Variants in GADL1 observed in about 807,000 individuals in gnomAD.
GADL1 encodes GAD like acidic amino acid decarboxylase 1.
A neutral mutation model predicts 69.5 loss-of-function variants in GADL1; 71 were observed. That is an observed-to-expected ratio of 1.02 (90% CI 0.84 to 1.25). The LOEUF (loss-of-function observed/expected upper bound fraction) is 1.25. Ranked by LOEUF, GADL1 falls within the 50% of genes most tolerant of loss-of-function variation. The pLI is 0.00. For missense variants in GADL1, 737 were observed against 631.8 expected (o/e 1.17, Z -1.79); for synonymous variants, 254 against 214.4 (o/e 1.18, Z -1.62).
chr3:30,788,399 C>T (rs1696843476), intron 12 of GADL1, among the ~76,000 whole-genome samples: 1 of 152,080 alleles, frequency 6.6e-6, no homozygotes, highest in South Asian at 2.1e-4. Context: ...ATGCACATGC[C>T]GTGACTAAAA....
chr3:30,851,538 C>T (rs1265096307), intron 4 of GADL1, among the ~76,000 whole-genome samples: 2 of 152,126 alleles, frequency 1.3e-5, no homozygotes, highest in Non-Finnish European at 2.9e-5. Context: ...TTGCTCCGGG[C>T]TGGAACGCTG....
At chr3:30,832,878 T>C (rs1697815163) in intron 11 of GADL1, among the ~76,000 whole-genome samples, 1 of 151,748 alleles carries the variant, frequency 6.6e-6, no homozygotes, top group East Asian at 2.0e-4. Flanking sequence ...GTAGTGTCTA[T>C]TTCTATAGAA....
intron 10 of GADL1, 111 bp downstream of exon 10, chr3:30,834,106 T>G: frequency 4.8e-6 from 5 of 1,048,844 alleles, no homozygotes; most frequent in Non-Finnish European, 7.3e-6. Context: ...TGTTGTTGTT[T>G]ATTTAAGGAA....
At chr3:30,816,747 C>T (rs1374554581) in intron 11 of GADL1, among the ~76,000 whole-genome samples, 2 of 151,408 alleles carry the variant, frequency 1.3e-5, no homozygotes, top group African/African-American at 2.4e-5. Flanking sequence ...GATTTCACCA[C>T]GTTGGCCAGA....
chr3:30,810,466 C>G (rs1697328800), intron 11 of GADL1, among the ~76,000 whole-genome samples: 1 of 152,126 alleles, frequency 6.6e-6, no homozygotes. Flanking sequence ...ACCTTTGGCC[C>G]TTTGGTTGAT....
intron 13 of GADL1, among the ~76,000 whole-genome samples, chr3:30,782,109 A>G (rs923243978): frequency 6.6e-6 from 1 of 152,224 alleles, no homozygotes; most frequent in Non-Finnish European, 1.5e-5. Flanking sequence ...AGGTGAAGCT[A>G]GAAACGAAGA....
intron 14 of GADL1, among the ~76,000 whole-genome samples, chr3:30,754,735 G>A (rs1695924077): frequency 6.6e-6 from 1 of 152,212 alleles, no homozygotes; most frequent in Non-Finnish European, 1.5e-5. Flanking sequence ...AAATTAAGCA[G>A]TGAGATGTTT....
chr3:30,858,047 C>A (rs1698256591), intron 2 of GADL1, among the ~76,000 whole-genome samples: 1 of 152,018 alleles, frequency 6.6e-6, no homozygotes, highest in Non-Finnish European at 1.5e-5. Context: ...CTCTATCAAT[C>A]CCCTTTAACA....
At chr3:30,869,244 A>G (rs1698447332) in intron 1 of GADL1, among the ~76,000 whole-genome samples, 1 of 151,772 alleles carries the variant, frequency 6.6e-6, no homozygotes, top group African/African-American at 2.4e-5. Context: ...TGCCTAATTT[A>G]CCTGATGTAC....
chr3:30,752,307 C>T (rs151258522), intron 14 of GADL1, among the ~76,000 whole-genome samples: 77 of 145,456 alleles, frequency 5.3e-4, no homozygotes, highest in African/African-American at 1.8e-3. Context: ...TCATTTCAGG[C>T]GTTGTAGGGG....
At chr3:30,757,874 T>G (rs1253523893) in intron 14 of GADL1, among the ~76,000 whole-genome samples, 2 of 152,134 alleles carry the variant, frequency 1.3e-5, no homozygotes, top group African/African-American at 4.8e-5. Context: ...TTCAGCAAAA[T>G]CAAAAGGAAT....
At chr3:30,730,526 T>C (rs1014885899) in intron 14 of GADL1, among the ~76,000 whole-genome samples, 1 of 152,108 alleles carries the variant, frequency 6.6e-6, no homozygotes, top group Non-Finnish European at 1.5e-5. Context: ...CTGAAGAATG[T>C]AGTTTATGCA....
chr3:30,796,925 ATG>A (rs1382850541), intron 12 of GADL1, among the ~76,000 whole-genome samples: 1 of 152,182 alleles, frequency 6.6e-6, no homozygotes, highest in African/African-American at 2.4e-5. Context: ...TGCCAAAGCC[ATG>A]TGTTTACCTG....
intron 11 of GADL1, among the ~76,000 whole-genome samples, chr3:30,819,356 T>TA (rs1697530669): frequency 6.6e-6 from 1 of 152,056 alleles, no homozygotes; most frequent in African/African-American, 2.4e-5. Flanking sequence ...GTGTAAAAGG[T>TA]AAAAATTTGT....
intron 13 of GADL1, among the ~76,000 whole-genome samples, chr3:30,781,327 T>G (rs1231317947): frequency 3.3e-5 from 5 of 152,208 alleles, no homozygotes; most frequent in African/African-American, 4.8e-5. Context: ...AAGAAATTAG[T>G]GGTCACTAAG....
chr3:30,753,780 T>TA (rs1418926049), intron 14 of GADL1, among the ~76,000 whole-genome samples: 24 of 152,228 alleles, frequency 1.6e-4, no homozygotes, highest in African/African-American at 5.3e-4. Context: ...CATGTGTTCC[T>TA]ATGCAAGATT....
intron 14 of GADL1, among the ~76,000 whole-genome samples, chr3:30,768,782 T>C (rs1485329960): frequency 6.6e-6 from 1 of 152,208 alleles, no homozygotes; most frequent in African/African-American, 2.4e-5. Context: ...TCTTTCTTGG[T>C]CTGGCAGAAC....
At chr3:30,824,202 A>T (rs980656435) in intron 11 of GADL1, among the ~76,000 whole-genome samples, 3 of 151,664 alleles carry the variant, frequency 2.0e-5, no homozygotes, top group Non-Finnish European at 1.5e-5. Context: ...AAGCCAGAGG[A>T]AAAAAAGTCA....
chr3:30,813,274 G>T (rs1431624077), intron 11 of GADL1, among the ~76,000 whole-genome samples: 2 of 151,976 alleles, frequency 1.3e-5, no homozygotes, highest in East Asian at 3.9e-4. Context: ...GAGATATTTG[G>T]ATTATTTGTG....
Sources: gnomAD v4.1 joint callset for allele counts (sites outside exome capture counted in the v4.1 genomes callset) on GRCh38, gnomAD v4.1.1 for gene constraint, MANE v1.5 for transcripts, NCBI Gene and HGNC (gene_info 2026-07-23, HGNC 2026-07-21) for gene names.